Variants in LCLAT1 observed in about 807,000 individuals in gnomAD.
LCLAT1 encodes 1-AGP acyltransferase 8.
Under a neutral mutation model 30.7 loss-of-function variants are expected in LCLAT1, and 11 were observed. The ratio of observed to expected loss-of-function variants is 0.36; its 90% CI spans 0.23 to 0.59. The LOEUF is 0.59. LCLAT1 is among the 20% of genes least tolerant of loss of function. LCLAT1 has a pLI of 0.77. For missense variants in LCLAT1, 402 were observed against 458.6 expected, an observed-to-expected ratio of 0.88 and a Z score of 1.13; for synonymous variants, 155 against 151.3, an observed-to-expected ratio of 1.02 and a Z score of -0.18.
At chr2:30,636,531 A>G (rs926120253) in intron 5 of LCLAT1, among the ~76,000 whole-genome samples, 1 of 152,162 alleles carries the variant, frequency 6.6e-6, no homozygotes, top group Non-Finnish European at 1.5e-5. Context: ...CCAGGATCCC[A>G]GGCAGTCTGT....
intron 5 of LCLAT1, among the ~76,000 whole-genome samples, chr2:30,608,686 C>T (rs573567123): frequency 6.6e-6 from 1 of 152,200 alleles, no homozygotes; most frequent in African/African-American, 2.4e-5. Context: ...AGCAACAGGC[C>T]ATACCATATA....
chr2:30,571,665 G>A (rs978110153), intron 5 of LCLAT1, among the ~76,000 whole-genome samples: 3 of 152,174 alleles, frequency 2.0e-5, no homozygotes, highest in African/African-American at 7.2e-5. Flanking sequence ...GTTTTAGGAG[G>A]CAAGGAAGAA....
At chr2:30,556,820 A>G (rs1031061305) in intron 3 of LCLAT1, among the ~76,000 whole-genome samples, 1 of 144,578 alleles carries the variant, frequency 6.9e-6, no homozygotes, top group Non-Finnish European at 1.5e-5. Context: ...ATCTCGGCGC[A>G]CTGCAACCTC....
intron 5 of LCLAT1, among the ~76,000 whole-genome samples, chr2:30,624,270 G>T (rs918946563): frequency 1.3e-5 from 2 of 152,130 alleles, no homozygotes; most frequent in African/African-American, 4.8e-5. Flanking sequence ...TCACATCTCA[G>T]TACTAACATT....
chr2:30,615,004 C>T (rs897762023), intron 5 of LCLAT1, among the ~76,000 whole-genome samples: 1 of 152,016 alleles, frequency 6.6e-6, no homozygotes, highest in Non-Finnish European at 1.5e-5. Context: ...AGGGCAGAAG[C>T]TTCATTGGCA....
intron 3 of LCLAT1, among the ~76,000 whole-genome samples, chr2:30,533,724 A>G (rs1432599400): frequency 6.6e-6 from 1 of 152,206 alleles, no homozygotes; most frequent in Non-Finnish European, 1.5e-5. Flanking sequence ...GGTTCGAAGC[A>G]TTCATTATGC....
At chr2:30,500,255 A>G (rs1345780559) in intron 1 of LCLAT1, among the ~76,000 whole-genome samples, 2 of 152,206 alleles carry the variant, frequency 1.3e-5, no homozygotes, top group Admixed American at 1.3e-4. Context: ...AAACAAAATA[A>G]TATTACCTAT....
chr2:30,588,121 C>T (rs1666522006), intron 5 of LCLAT1, among the ~76,000 whole-genome samples: 1 of 152,244 alleles, frequency 6.6e-6, no homozygotes, highest in African/African-American at 2.4e-5. Flanking sequence ...CACCTCATAG[C>T]TGGCTGTATA....
At position 30,640,755 on chromosome 2, in the gene LCLAT1, A is replaced by G. The variant is rs1669263535; in HGVS notation, c.*136A>G. The G allele has an allele frequency of 2.6e-6, 3 of 1,150,496 alleles. No homozygotes were observed. The highest frequency in any genetic ancestry group is 3.6e-6 in the Non-Finnish European group (3 of 837,516). 71.3% of individuals were successfully genotyped at this position (1,150,496 alleles called of 1,614,324 possible). A position where few individuals can be genotyped will look rare whatever the true frequency, so the allele number is the denominator to read the frequency against. ...TCATTATTTGTTAAAGATATTTTGCACTTAATTTTGTGGGAAAAATATTGC... is the reference window on the plus strand; with the variant it reads ...TCATTATTTGTTAAAGATATTTTGCGCTTAATTTTGTGGGAAAAATATTGC... On this transcript the variant is annotated 3_prime_UTR_variant, in exon 6 of 6. Transcript: ENST00000379509.
intron 1 of LCLAT1, among the ~76,000 whole-genome samples, chr2:30,510,239 C>T (rs1347506906): frequency 1.3e-5 from 2 of 151,838 alleles, no homozygotes; most frequent in Non-Finnish European, 2.9e-5. Context: ...TTGTTTACTT[C>T]TTTTAGTGGA....
chr2:30,452,858 C>G (rs1681627677), intron 1 of LCLAT1, among the ~76,000 whole-genome samples: 1 of 152,028 alleles, frequency 6.6e-6, no homozygotes, highest in Admixed American at 6.5e-5. Flanking sequence ...TTATTCACAC[C>G]TTTACCTTGT....
chr2:30,500,229 TA>T (rs1684308453), intron 1 of LCLAT1, among the ~76,000 whole-genome samples: 1 of 152,218 alleles, frequency 6.6e-6, no homozygotes, highest in Non-Finnish European at 1.5e-5. Context: ...AAACAAAATC[TA>T]ATGCCAATAA....
At chr2:30,608,115 G>A (rs537528382) in intron 5 of LCLAT1, among the ~76,000 whole-genome samples, 1 of 152,042 alleles carries the variant, frequency 6.6e-6, no homozygotes, top group East Asian at 1.9e-4. Flanking sequence ...GAGGTCGGGA[G>A]TTCAAGACTA....
At chr2:30,498,476 G>A (rs1572529504) in intron 1 of LCLAT1, among the ~76,000 whole-genome samples, 2 of 152,168 alleles carry the variant, frequency 1.3e-5, no homozygotes, top group Non-Finnish European at 2.9e-5. Context: ...GTATCCAAAG[G>A]GTTTTGGGTT....
At chr2:30,540,347 A>G (rs1310290310) in intron 3 of LCLAT1, among the ~76,000 whole-genome samples, 3 of 152,254 alleles carry the variant, frequency 2.0e-5, no homozygotes, top group East Asian at 1.9e-4. Flanking sequence ...TTAAGGATAC[A>G]TGGTATTTTT....
At chr2:30,516,348 G>A (rs1026893216) in intron 1 of LCLAT1, among the ~76,000 whole-genome samples, 8 of 152,244 alleles carry the variant, frequency 5.3e-5, no homozygotes, top group African/African-American at 1.2e-4. Context: ...GAACGTCGCC[G>A]TCGCAGACCC....
At chr2:30,566,917 T>C (rs1034860494) in intron 4 of LCLAT1, among the ~76,000 whole-genome samples, 1 of 152,244 alleles carries the variant, frequency 6.6e-6, no homozygotes, top group Non-Finnish European at 1.5e-5. Flanking sequence ...CAGATATTTG[T>C]ACATGATGTG....
At chr2:30,579,060 G>T (rs1278657503) in intron 5 of LCLAT1, among the ~76,000 whole-genome samples, 4 of 152,062 alleles carry the variant, frequency 2.6e-5, no homozygotes, top group Non-Finnish European at 1.5e-5. Flanking sequence ...AAGGGTCTCT[G>T]TTGCCACGGC....
At chr2:30,452,207 A>G (rs935948696) in intron 1 of LCLAT1, among the ~76,000 whole-genome samples, 11 of 152,134 alleles carry the variant, frequency 7.2e-5, no homozygotes, top group African/African-American at 2.4e-4. Flanking sequence ...AGGATTGTGC[A>G]CTTTATTGTA....
Sources: gnomAD v4.1 joint callset for allele counts (sites outside exome capture counted in the v4.1 genomes callset) on GRCh38, gnomAD v4.1.1 for gene constraint, MANE v1.5 for transcripts, NCBI Gene and HGNC (gene_info 2026-07-23, HGNC 2026-07-21) for gene names.